POLR3A: variants seen among roughly 807,000 people sequenced by gnomAD.
POLR3A encodes RNA polymerase III subunit A.
A neutral mutation model predicts 152.8 loss-of-function variants in POLR3A; 112 were observed. That is an observed-to-expected ratio of 0.73 (90% CI 0.63 to 0.86). The LOEUF (loss-of-function observed/expected upper bound fraction) is 0.86. Ranked by LOEUF, POLR3A falls within the 40% of genes least tolerant of loss-of-function variation. The pLI is 0.00. For missense variants in POLR3A, 1,385 were observed against 1,743.1 expected (o/e 0.79, Z 3.66); for synonymous variants, 615 against 652.1 (o/e 0.94, Z 0.87).
intron 4 of POLR3A, 55 bp downstream of exon 4, chr10:78,024,916 C>G: frequency 1.9e-6 from 3 of 1,594,020 alleles, no homozygotes; most frequent in Non-Finnish European, 2.6e-6. Flanking sequence ...ATAAACTAAA[C>G]AGAAGACAGT....
intron 19 of POLR3A, among the ~76,000 whole-genome samples, chr10:77,999,681 C>T (rs190472871): frequency 9.7e-4 from 147 of 152,246 alleles, no homozygotes; most frequent in East Asian, 1.9e-3. Context: ...GTTAGTAAAG[C>T]GAGGCTTAGT....
chr10:78,002,710 AT>A (rs11459965), intron 16 of POLR3A, among the ~76,000 whole-genome samples: 1 of 151,710 alleles, frequency 6.6e-6, no homozygotes, highest in African/African-American at 2.4e-5. Flanking sequence ...AATTTTTAAA[AT>A]TTTTTTTGTA....
In POLR3A at chr10:78,009,572, C is replaced by T. The variant is rs1193880136; in HGVS notation, c.1874G>A (p.Cys625Tyr). The T allele has an allele frequency of 6.2e-7, 1 of 1,614,092 alleles. No individual in the cohort carries two copies. The highest frequency in any genetic ancestry group is 1.3e-5 in the African/African-American group (1 of 74,948). ...GGCACAGAGATCTTCCCCTTTGCCA[C>T]AGTACTGCTTGCCCTTGGTTCGCAG... ...ANLRTKGKQY[C>Y]GKGEDLCAND... The change falls in exon 14 of 31, where the codon TGT (cysteine) becomes TAT (tyrosine). Residue 625 changes from cysteine (C) to tyrosine (Y), a missense_variant. Coordinates refer to ENST00000372371, the MANE Select transcript of POLR3A (RefSeq NM_007055.4).
chr10:77,980,179 A>G lies in POLR3A; in HGVS notation c.3986T>C (p.Phe1329Ser), dbSNP rs762703122. Residue 1329 changes from phenylalanine to serine, a missense_variant, in exon 30 of 31, where the codon TTT (phenylalanine) becomes TCT (serine). This residue lies in a region of POLR3A where 332 missense variants were observed against 400.1 expected (regional missense o/e 0.83). Coordinates refer to ENST00000372371, the MANE Select transcript of POLR3A (RefSeq NM_007055.4). ...CTTCTGCCCGAAGTAGGCAGCGTCA[A>G]AGAGATGGTCAGCCGTCTTCTCAAA... ...ASFEKTADHLFDAAYFGQKDS... is the reference protein window; with the variant it reads ...ASFEKTADHLSDAAYFGQKDS... The G allele has an allele frequency of 6.2e-7, 1 of 1,614,132 alleles. No homozygotes were observed. Among genetic ancestry groups the G allele is most frequent in the South Asian group, 1.1e-5 (1 of 91,086 alleles).
At chr10:77,986,211 G>T (rs756197009) in intron 21 of POLR3A, 52 bp from the exon 22 acceptor site, 1 of 909,676 alleles carries the variant, frequency 1.1e-6, no homozygotes, top group Non-Finnish European at 1.9e-6. Flanking sequence ...TCATGCAGAT[G>T]ACATAATTCA....
At chr10:78,005,633 A>C (rs1847403830) in intron 15 of POLR3A, among the ~76,000 whole-genome samples, 1 of 152,228 alleles carries the variant, frequency 6.6e-6, no homozygotes, top group African/African-American at 2.4e-5. Context: ...CTCAGAAATG[A>C]GATCATTAGG....
At chr10:78,024,886 C>G (rs1564623854) in intron 4 of POLR3A, 85 bp downstream of exon 4, 2 of 1,546,600 alleles carry the variant, frequency 1.3e-6, no homozygotes, top group Admixed American at 1.7e-5. Context: ...AAGCTGACTC[C>G]CGAACATTAT....
At chr10:78,000,931 AG>A in intron 18 of POLR3A, 44 bp downstream of exon 18, 3 of 975,916 alleles carry the variant, frequency 3.1e-6, no homozygotes, top group Non-Finnish European at 4.9e-6. Context: ...AGGAAAGTGT[AG>A]ATTAAGAGAT....
At chr10:78,025,828 CCTGG>C (rs1847628976) in intron 2 of POLR3A, 69 bp from the exon 3 acceptor site, 1 of 1,410,118 alleles carries the variant, frequency 7.1e-7, no homozygotes, top group Non-Finnish European at 1.0e-6. Context: ...AGCCATCATG[CCTGG>C]CTGGTGACAC....
Position 77,993,246 on chromosome 10 carries a change from T to G in POLR3A, c.2738A>C (p.Glu913Ala), listed in dbSNP as rs768817657. The G allele has an allele frequency of 6.2e-7, 1 of 1,613,782 alleles. No individual in the cohort carries two copies. Among genetic ancestry groups the G allele is most frequent in the South Asian group, 1.1e-5 (1 of 91,072 alleles). The stretch of plus-strand genomic sequence containing the variant: ...AAACTCCAAAGGTTCATCTTTTCCC[T>G]CCATAGCTGCAGGATCTAAGCCATC... ...GGDGLDPAAM[E>A]GKDEPLEFKR... Residue 913 changes from glutamate (E) to alanine (A), a missense_variant, in exon 20 of 31, where the codon GAG (glutamate) becomes GCG (alanine). Glu to Ala is a moderately radical substitution (Grantham distance 107). Around this residue, in one of 7 missense-constraint regions of POLR3A, gnomAD observed 178 missense variants for 204.6 expected, o/e 0.87. Coordinates refer to ENST00000372371, the MANE Select transcript of POLR3A (RefSeq NM_007055.4).
rs1050735187 is a variant in POLR3A at position 77,982,523 on chromosome 10, T to C, written c.3594+130A>G. On this transcript the variant is annotated intron_variant, in intron 27 of 30. Transcript: ENST00000372371. ...TAGAACAGAGAGGAATCTAACAGAC[T>C]AACTCCTTGGGGATAAGGCCAAGAA... is the stretch of plus-strand genomic sequence containing the variant. The C allele has an allele frequency of 7.4e-6, 7 of 940,878 alleles. No homozygotes were observed. In the Admixed American group the frequency reaches 1.4e-4, roughly 18 times the overall value. 58.3% of individuals were successfully genotyped at this position (940,878 alleles called of 1,614,324 possible).
chr10:77,977,624 C>T lies in POLR3A; in HGVS notation c.4027G>A (p.Val1343Met). Residue 1343 changes from valine (V) to methionine (M), a missense_variant and splice_region_variant, in exon 31 of 31, where the codon GTG (valine) becomes ATG (methionine). By Grantham distance (21) the Val-to-Met change is conservative. Coordinates refer to ENST00000372371, the MANE Select transcript of POLR3A (RefSeq NM_007055.4). ...YFGQKDSVCG[V>M]SECIIMGIPM... The stretch of plus-strand genomic sequence containing the variant: ...ATTCCCATGATGATGCACTCAGACA[C>T]CCCTGAAACCAACCAGAATGAACAT... The T allele has an allele frequency of 6.2e-7, 1 of 1,613,138 alleles. No homozygotes were observed. Among genetic ancestry groups the T allele is most frequent in the African/African-American group, 1.3e-5 (1 of 74,972 alleles).
Position 77,985,198 on chromosome 10 carries a change from C to A in POLR3A, c.3214G>T (p.Glu1072Ter), listed in dbSNP as rs1847185767. The change falls in exon 24 of 31, where the codon GAG becomes TAG. Residue 1072 changes from glutamate (E) to a stop codon, truncating the protein, a stop_gained. Transcript: ENST00000372371. LOFTEE classifies it high-confidence loss of function. ...NITLGVPRIK[E>*]IINASKAIST... ...ATGGCCTTGGAAGCGTTGATGATCTCTTTAATCCGGGGCACGCCCAGGGTG... is the reference window on the plus strand; with the variant it reads ...ATGGCCTTGGAAGCGTTGATGATCTATTTAATCCGGGGCACGCCCAGGGTG... 6.2e-7 allele frequency: 1 copy of A among 1,614,046 alleles called. No individual in the cohort carries two copies. Among genetic ancestry groups the A allele is most frequent in the Non-Finnish European group, 8.5e-7 (1 of 1,180,012 alleles).
rs1253570681 is a variant in POLR3A, at chr10:77,985,152, G to A, written c.3242+18C>T. On this transcript the variant is annotated intron_variant, in intron 24 of 30. Transcript: ENST00000372371. ...AGGACAGGCATGTGTGGAACAAGAAGGAAATGAAAGCAGGCACCTGATGGC... is the reference window on the plus strand; with the variant it reads ...AGGACAGGCATGTGTGGAACAAGAAAGAAATGAAAGCAGGCACCTGATGGC... The A allele has an allele frequency of 6.2e-7, 1 of 1,605,832 alleles. No homozygotes were observed. Among genetic ancestry groups the A allele is most frequent in the Admixed American group, 1.7e-5 (1 of 60,014 alleles).
intron 15 of POLR3A, among the ~76,000 whole-genome samples, chr10:78,006,134 C>T (rs1206105466): frequency 2.6e-5 from 4 of 152,028 alleles, no homozygotes; most frequent in Admixed American, 6.6e-5. Context: ...TAGTGGCTCA[C>T]GCCTGTAATC....
intron 21 of POLR3A, among the ~76,000 whole-genome samples, chr10:77,990,159 A>G (rs1002421131): frequency 2.6e-5 from 4 of 152,164 alleles, no homozygotes; most frequent in African/African-American, 9.7e-5. Context: ...TTTGATCCTA[A>G]CCATGATTAT....
chr10:78,017,944 T>C (rs537311225), intron 9 of POLR3A, among the ~76,000 whole-genome samples: 1 of 151,192 alleles, frequency 6.6e-6, no homozygotes, highest in South Asian at 2.1e-4. Flanking sequence ...GAGGCTGAGA[T>C]GGGCGGACTG....
Position 78,019,205 on chromosome 10 carries a change from G to C in POLR3A, c.1246C>G (p.Pro416Ala). 1 of 1,613,868 alleles carries C rather than the reference G, an allele frequency of 6.2e-7. No homozygotes were observed. Among genetic ancestry groups the C allele is most frequent in the Non-Finnish European group, 8.5e-7 (1 of 1,179,872 alleles). The change falls in exon 9 of 31, where the codon CCA (proline) becomes GCA (alanine). Residue 416 changes from proline to alanine, a missense_variant. By Grantham distance (27) the Pro-to-Ala change is conservative. Coordinates refer to ENST00000372371, the MANE Select transcript of POLR3A (RefSeq NM_007055.4). Reference sequence around the variant, plus strand: ...CTCTGCTGAATGAAGTTTGCTCCTGGGTGAACCTCAGGGCCGTTTTGAACC... The same window carrying C: ...CTCTGCTGAATGAAGTTTGCTCCTGCGTGAACCTCAGGGCCGTTTTGAACC... ...KLVQNGPEVH[P>A]GANFIQQRHT... is the part of the protein sequence containing the mutation.
At chr10:77,982,096 G>T in intron 28 of POLR3A, 58 bp downstream of exon 28, 1 of 1,147,722 alleles carries the variant, frequency 8.7e-7, no homozygotes, top group Non-Finnish European at 1.3e-6. Flanking sequence ...TGGAAGGCCT[G>T]CAGATGGCAC....
Sources: allele counts gnomAD v4.1 joint callset (sites outside exome capture counted in the v4.1 genomes callset), GRCh38; gene constraint gnomAD v4.1.1; regional missense constraint gnomAD v4.1.1; transcripts MANE v1.5; gene names NCBI Gene and HGNC (gene_info 2026-07-23, HGNC 2026-07-21).